Variants in SHQ1 observed in about 807,000 individuals in gnomAD.
SHQ1 encodes protein SHQ1 homolog.
A neutral mutation model predicts 53.8 loss-of-function variants in SHQ1; 49 were observed. The observed-to-expected ratio is 0.91, with a 90% confidence interval of 0.72 to 1.16. The LOEUF (loss-of-function observed/expected upper bound fraction) is 1.16. SHQ1 is among the 50% of genes most tolerant of loss of function. The probability of loss-of-function intolerance (pLI) is 0.00; values close to 1 mark genes in which losing one functional copy is unlikely to be tolerated. For synonymous variants in SHQ1, 243 were observed against 251.0 expected (o/e 0.97, Z 0.30); for missense variants, 738 against 683.1 (o/e 1.08, Z -0.90).
At chr3:72,801,932 C>T (rs966284092) in intron 9 of SHQ1, among the ~76,000 whole-genome samples, 3 of 152,182 alleles carry the variant, frequency 2.0e-5, no homozygotes, top group Non-Finnish European at 2.9e-5. Flanking sequence ...TAATTTCTCA[C>T]GAAGTAAAAA....
intron 6 of SHQ1, among the ~76,000 whole-genome samples, chr3:72,820,734 T>C (rs1374654971): frequency 2.0e-5 from 3 of 152,224 alleles, no homozygotes; most frequent in Admixed American, 2.0e-4. Flanking sequence ...TAGTTCACAA[T>C]GTTTTGGCTA....
the SHQ1 span, among the ~76,000 whole-genome samples, chr3:72,738,159 G>C: frequency 6.1e-3 from 934 of 152,152 alleles, 7 homozygotes; most frequent in Non-Finnish European, 0.01. Context: ...ATCTTCCATG[G>C]CTCCCTGGGT....
intron 10 of SHQ1, among the ~76,000 whole-genome samples, chr3:72,770,160 T>C (rs1277939383): frequency 6.6e-6 from 1 of 152,236 alleles, no homozygotes. Flanking sequence ...TTAGCAAATA[T>C]TATTGACCAC....
the SHQ1 span, among the ~76,000 whole-genome samples, chr3:72,733,483 C>A: frequency 6.6e-6 from 1 of 151,524 alleles, no homozygotes; most frequent in Non-Finnish European, 1.5e-5. Context: ...GATAGAGTCA[C>A]TAGAAACCAG....
At chr3:72,758,254 C>T (rs1179690010) in intron 10 of SHQ1, among the ~76,000 whole-genome samples, 1 of 152,158 alleles carries the variant, frequency 6.6e-6, no homozygotes, top group African/African-American at 2.4e-5. Context: ...CAGCCATTAA[C>T]AAAAACATTC....
At chr3:72,786,532 C>T (rs1706238517) in intron 10 of SHQ1, among the ~76,000 whole-genome samples, 1 of 152,108 alleles carries the variant, frequency 6.6e-6, no homozygotes, top group African/African-American at 2.4e-5. Context: ...ACTCTTCATC[C>T]CCACTTCCCC....
At chr3:72,796,101 C>CAAAAAA (rs555086403) in intron 9 of SHQ1, among the ~76,000 whole-genome samples, 147 of 39,254 alleles carry the variant, frequency 3.7e-3, no homozygotes, top group Middle Eastern at 0.017. Context: ...GACTCCATCT[C>CAAAAAA]AAAAAAAAAA....
intron 6 of SHQ1, among the ~76,000 whole-genome samples, chr3:72,822,915 C>T (rs559837621): frequency 2.1e-4 from 32 of 152,096 alleles, no homozygotes; most frequent in African/African-American, 7.5e-4. Flanking sequence ...TTTGGGAGGC[C>T]GAGGCTGGCG....
chr3:72,833,240 G>A (rs932787433), intron 4 of SHQ1, among the ~76,000 whole-genome samples: 6 of 151,988 alleles, frequency 3.9e-5, no homozygotes, highest in African/African-American at 9.7e-5. Flanking sequence ...CCAGGAGTTC[G>A]AACCACCCTG....
At chr3:72,761,351 T>C (rs527291268) in intron 10 of SHQ1, among the ~76,000 whole-genome samples, 6 of 152,200 alleles carry the variant, frequency 3.9e-5, no homozygotes, top group African/African-American at 1.4e-4. Context: ...TATAAATTTT[T>C]TGTAGTGACA....
intron 10 of SHQ1, among the ~76,000 whole-genome samples, chr3:72,775,037 C>A (rs898286437): frequency 6.6e-6 from 1 of 152,152 alleles, no homozygotes; most frequent in East Asian, 1.9e-4. Flanking sequence ...ATCGCTTGAA[C>A]CAGGGAAGCA....
chr3:72,739,766 G>A, the SHQ1 span, among the ~76,000 whole-genome samples: 3 of 152,226 alleles, frequency 2.0e-5, no homozygotes, highest in African/African-American at 7.2e-5. Context: ...AGAATAAAGG[G>A]AAAAGGAAAC....
intron 9 of SHQ1, among the ~76,000 whole-genome samples, chr3:72,808,058 TGTA>T (rs1206527786): frequency 6.6e-6 from 1 of 152,200 alleles, no homozygotes; most frequent in Non-Finnish European, 1.5e-5. Context: ...AAAGAACAAT[TGTA>T]TACGTTTTTC....
Position 72,756,554 on chromosome 3 carries a change from CAGGAGTA to C in SHQ1, c.1182-5725_1182-5719del, listed in dbSNP as rs780826382. On this transcript the variant is annotated intron_variant, in intron 10 of 10. Transcript: ENST00000325599. Reference sequence around the variant, plus strand: ...TGGTCTCTCAAAGTGCTGGGGATTACAGGAGTAAGCCACCATGCCTGGCTAGTTACAT... The same window carrying C: ...TGGTCTCTCAAAGTGCTGGGGATTACAGCCACCATGCCTGGCTAGTTACAT... 8.4e-4 allele frequency among the ~76,000 whole-genome samples: 128 copies of C among 152,216 alleles called. 1 individual carries two copies. The highest frequency in any genetic ancestry group is 2.9e-4 in the Non-Finnish European group (20 of 68,036).
rs9637493 is a variant in SHQ1 at position 72,833,515 on chromosome 3, C to T, written c.487-1034G>A. Among the ~76,000 whole-genome samples the T allele has an allele frequency of 1.9e-3, 265 of 141,906 alleles. 1 individual carries two copies. Among genetic ancestry groups the T allele is most frequent in the East Asian group, 0.01 (48 of 4,720 alleles). 93.1% of individuals were successfully genotyped at this position (141,906 alleles called of 152,430 possible). On this transcript the variant is annotated intron_variant, in intron 4 of 10. Transcript: ENST00000325599. The stretch of plus-strand genomic sequence containing the variant: ...ATAGATAGATAGACAGACAGACAGA[C>T]AGATAGATGGATGATAGACAGATAG...
rs1206052770 is a variant in SHQ1 at position 72,812,698 on chromosome 3, T to G, written c.1033A>C (p.Arg345=). The G allele has an allele frequency of 6.2e-7, 1 of 1,614,140 alleles. No homozygotes were observed. The highest frequency in any genetic ancestry group is 1.7e-5 in the Admixed American group (1 of 60,022). The change falls in exon 9 of 11, where the codon AGG becomes CGG. Residue 345 remains arginine, a synonymous_variant. Transcript: ENST00000325599. Reference sequence around the variant, plus strand: ...AGTTGCAATATCTTTATAGTGTCCCTGTAGGCCTTCATCACCAGCTTGAAA... The same window carrying G: ...AGTTGCAATATCTTTATAGTGTCCCGGTAGGCCTTCATCACCAGCTTGAAA... The part of the protein sequence containing the change: ...RHFKLVMKAY[R]DTIKILQLGK...
chr3:72,761,934 G>A (rs1343156097), intron 10 of SHQ1, among the ~76,000 whole-genome samples: 1 of 152,180 alleles, frequency 6.6e-6, no homozygotes, highest in Non-Finnish European at 1.5e-5. Context: ...TGGGCTACAT[G>A]TTTAAAAAGT....
intron 9 of SHQ1, among the ~76,000 whole-genome samples, chr3:72,802,272 A>G (rs1319227747): frequency 6.6e-6 from 1 of 152,130 alleles, no homozygotes; most frequent in Non-Finnish European, 1.5e-5. Flanking sequence ...TTCAGACCAT[A>G]CTGTCTGTCC....
chr3:72,840,708 A>T (rs1293275909), intron 4 of SHQ1, among the ~76,000 whole-genome samples: 1 of 152,208 alleles, frequency 6.6e-6, no homozygotes, highest in Non-Finnish European at 1.5e-5. Flanking sequence ...CCGTAAGTAC[A>T]TGATCTCACT....
Sources: gnomAD v4.1 joint callset for allele counts (sites outside exome capture counted in the v4.1 genomes callset) on GRCh38, gnomAD v4.1.1 for gene constraint, MANE v1.5 for transcripts, NCBI Gene and HGNC (gene_info 2026-07-23, HGNC 2026-07-21) for gene names.